The following PARP8 variants were observed in gnomAD, a reference collection of about 807,000 sequenced individuals.
PARP8 encodes the protein poly(ADP-ribose) polymerase family member 8.
PARP8 carries 51 observed loss-of-function variants against 124.1 expected under a neutral mutation model. The ratio of observed to expected loss-of-function variants is 0.41; its 90% CI spans 0.33 to 0.52. PARP8 has a LOEUF of 0.52. PARP8 is among the 20% of genes least tolerant of loss of function. The pLI, the probability that PARP8 is intolerant of heterozygous loss-of-function variation, is 0.21. For synonymous variants in PARP8, 391 were observed against 361.5 expected, an observed-to-expected ratio of 1.08 and a Z score of -0.93; for missense variants, 860 against 1,018.9, an observed-to-expected ratio of 0.84 and a Z score of 2.12.
Position 50,761,810 on chromosome 5 carries a change from A to T in PARP8, c.346-11A>T. Reference sequence around the variant, plus strand: ...GACCATTAAATTGTTTTCTTACTTTATTATTTTAAGGAATCAAGACAGAAT... The same window carrying T: ...GACCATTAAATTGTTTTCTTACTTTTTTATTTTAAGGAATCAAGACAGAAT... On this transcript the variant is annotated splice_polypyrimidine_tract_variant and intron_variant, in intron 5 of 25. Coordinates refer to ENST00000281631, the MANE Select transcript of PARP8 (RefSeq NM_024615.4). 6.6e-7 allele frequency: 1 copy of T among 1,524,760 alleles called. No individual in the cohort carries two copies. Among genetic ancestry groups the T allele is most frequent in the South Asian group, 1.2e-5 (1 of 81,544 alleles). The allele number at this position is 1,524,760 out of a possible 1,614,324, so 94.5% of individuals were successfully genotyped here.
intron 2 of PARP8, among the ~76,000 whole-genome samples, chr5:50,706,133 T>C (rs1335950855): frequency 6.6e-6 from 1 of 152,188 alleles, no homozygotes; most frequent in Non-Finnish European, 1.5e-5. Context: ...CAATAACTGA[T>C]GTTATATTTT....
intron 2 of PARP8, among the ~76,000 whole-genome samples, chr5:50,691,535 A>G (rs1456137647): frequency 2.0e-5 from 3 of 152,148 alleles, no homozygotes; most frequent in African/African-American, 4.8e-5. Flanking sequence ...TGACAGTGTA[A>G]TTTAATGACA....
rs1747366896 is a variant in PARP8, at chr5:50,834,702, C to A, written c.2378-229C>A. ...TGCTTTTGGTAATACTTAGATGAGTCCCTTTTTATTGTTATACCAGTTGTT... is the reference window on the plus strand; with the variant it reads ...TGCTTTTGGTAATACTTAGATGAGTACCTTTTTATTGTTATACCAGTTGTT... On this transcript the variant is annotated intron_variant, in intron 24 of 25. Coordinates refer to ENST00000281631, the MANE Select transcript of PARP8 (RefSeq NM_024615.4). 15 of 524,034 alleles carry A rather than the reference C, an allele frequency of 2.9e-5. No individual in the cohort carries two copies. The South Asian group carries it at 3.1e-4, about 11-fold the overall frequency. The allele number at this position is 524,034 out of a possible 1,614,324, so 32.5% of individuals were successfully genotyped here.
intron 2 of PARP8, among the ~76,000 whole-genome samples, chr5:50,680,815 A>G (rs1751206060): frequency 6.6e-6 from 1 of 152,142 alleles, no homozygotes; most frequent in Non-Finnish European, 1.5e-5. Context: ...AATCTGGCAT[A>G]TTTGGCATAG....
At chr5:50,673,311 T>A (rs1750248756) in intron 2 of PARP8, among the ~76,000 whole-genome samples, 1 of 152,194 alleles carries the variant, frequency 6.6e-6, no homozygotes, top group Non-Finnish European at 1.5e-5. Context: ...TTAAAACCAC[T>A]GACCTAAAAT....
chr5:50,726,393 T>C (rs1424589322), intron 2 of PARP8, among the ~76,000 whole-genome samples: 2 of 152,180 alleles, frequency 1.3e-5, no homozygotes, highest in African/African-American at 4.8e-5. Context: ...TTACTTTTTT[T>C]CCCGCATTTT....
intron 19 of PARP8, 95 bp downstream of exon 19, chr5:50,826,898 T>C: frequency 6.7e-7 from 1 of 1,490,904 alleles, no homozygotes; most frequent in Non-Finnish European, 8.9e-7. Flanking sequence ...AGCCAGACTC[T>C]CCAAGAATTG....
intron 7 of PARP8, among the ~76,000 whole-genome samples, chr5:50,775,792 T>G (rs1015035733): frequency 6.6e-6 from 1 of 152,240 alleles, no homozygotes; most frequent in Non-Finnish European, 1.5e-5. Flanking sequence ...TACAGTTTTT[T>G]TGGTGGAGCC....
At chr5:50,780,815 C>T (rs1028758269) in intron 9 of PARP8, among the ~76,000 whole-genome samples, 11 of 152,196 alleles carry the variant, frequency 7.2e-5, no homozygotes, top group East Asian at 1.9e-4. Context: ...TTTCCTCCTA[C>T]GAAAAGCAAA....
At chr5:50,670,684 A>C (rs1464830604) in intron 2 of PARP8, among the ~76,000 whole-genome samples, 4 of 152,172 alleles carry the variant, frequency 2.6e-5, no homozygotes, top group Non-Finnish European at 4.4e-5. Flanking sequence ...GGATGTGCAA[A>C]CTGAGGCTCA....
chr5:50,825,417 T>A (rs1002236103), intron 18 of PARP8, among the ~76,000 whole-genome samples: 2 of 152,188 alleles, frequency 1.3e-5, no homozygotes, highest in African/African-American at 4.8e-5. Flanking sequence ...GCAGTATAAA[T>A]ATGATTAACT....
chr5:50,751,459 G>C (rs746162156), intron 3 of PARP8, among the ~76,000 whole-genome samples: 1 of 152,138 alleles, frequency 6.6e-6, no homozygotes, highest in East Asian at 1.9e-4. Flanking sequence ...TTTGGTGAAA[G>C]TAGGTTGTTA....
intron 2 of PARP8, among the ~76,000 whole-genome samples, chr5:50,692,915 A>C (rs1191197065): frequency 6.6e-6 from 1 of 152,252 alleles, no homozygotes; most frequent in East Asian, 1.9e-4. Flanking sequence ...ACTTCAACAG[A>C]GAGTTCTTTG....
intron 7 of PARP8, among the ~76,000 whole-genome samples, chr5:50,774,689 C>A (rs187163903): frequency 1.5e-5 from 2 of 133,580 alleles, no homozygotes; most frequent in Admixed American, 7.5e-5. Flanking sequence ...CGGGCAGAGG[C>A]GCTCCTTACT....
At chr5:50,751,213 A>G (rs568956315) in intron 3 of PARP8, among the ~76,000 whole-genome samples, 2 of 152,226 alleles carry the variant, frequency 1.3e-5, no homozygotes, top group Admixed American at 6.5e-5. Context: ...TAGTAAACCA[A>G]GTGGGCCAAG....
At chr5:50,779,405 G>A (rs1740412540) in intron 9 of PARP8, among the ~76,000 whole-genome samples, 1 of 152,142 alleles carries the variant, frequency 6.6e-6, no homozygotes, top group South Asian at 2.1e-4. Context: ...GCCAAATCAA[G>A]GCCTCACTGG....
chr5:50,775,942 G>C (rs1211376643), intron 7 of PARP8, among the ~76,000 whole-genome samples: 1 of 152,172 alleles, frequency 6.6e-6, no homozygotes, highest in East Asian at 1.9e-4. Flanking sequence ...TTGAATAAGA[G>C]TGGTGAAGGT....
intron 2 of PARP8, among the ~76,000 whole-genome samples, chr5:50,702,420 C>T (rs1428856662): frequency 6.6e-6 from 1 of 152,080 alleles, no homozygotes; most frequent in Non-Finnish European, 1.5e-5. Flanking sequence ...AATCTCACAC[C>T]TGCCTGGAGA....
In PARP8 at chr5:50,666,973, C is replaced by T. The variant is rs974816835; in HGVS notation, c.-123C>T. On this transcript the variant is annotated 5_prime_UTR_variant, in exon 1 of 26. Transcript: ENST00000281631. The stretch of plus-strand genomic sequence containing the variant: ...CAGGATCACTTCCGAAACCACTTCG[C>T]CTTCAGCCCCTGCCTCGGCCAGAGG... The T allele has an allele frequency of 7.7e-6, 11 of 1,437,214 alleles. No homozygotes were observed. The highest frequency in any genetic ancestry group is 1.0e-5 in the Non-Finnish European group (11 of 1,086,964). The allele number at this position is 1,437,214 out of a possible 1,614,324, so 89.0% of individuals were successfully genotyped here.
Sources: allele counts gnomAD v4.1 joint callset (sites outside exome capture counted in the v4.1 genomes callset), GRCh38; gene constraint gnomAD v4.1.1; transcripts MANE v1.5; gene names NCBI Gene and HGNC (gene_info 2026-07-23, HGNC 2026-07-21).